Variants in SLC10A7 observed in about 807,000 individuals in gnomAD.
SLC10A7 encodes sodium/bile acid cotransporter 7.
In SLC10A7, 29 loss-of-function variants were observed where a neutral mutation model predicts 43.2. That is an observed-to-expected ratio of 0.67 (90% CI 0.50 to 0.92). SLC10A7 has a LOEUF of 0.92. Among genes scored for constraint, SLC10A7 ranks in the 40% least tolerant of loss-of-function variants. SLC10A7 has a pLI of 0.00. For synonymous variants in SLC10A7, 152 were observed against 144.8 expected, an observed-to-expected ratio of 1.05 and a Z score of -0.35; for missense variants, 295 against 403.2, an observed-to-expected ratio of 0.73 and a Z score of 2.30.
chr4:146,282,386 A>G lies in SLC10A7; in HGVS notation c.847+806T>C, dbSNP rs183401967. 5.9e-5 allele frequency among the ~76,000 whole-genome samples: 9 copies of G among 152,286 alleles called. No individual in the cohort carries two copies. The East Asian group carries it at 1.7e-3, about 29-fold the overall frequency. On this transcript the variant is annotated intron_variant, in intron 10 of 11. Coordinates refer to ENST00000335472, the MANE Select transcript of SLC10A7 (RefSeq NM_001029998.6). ...ATTTCCTTAACATAAGCAGACTAAGAACATTGTAATGATTCTTCATTCTCT... is the reference window on the plus strand; with the variant it reads ...ATTTCCTTAACATAAGCAGACTAAGGACATTGTAATGATTCTTCATTCTCT...
At chr4:146,279,311 C>A (rs17021345) in intron 10 of SLC10A7, among the ~76,000 whole-genome samples, 1 of 151,946 alleles carries the variant, frequency 6.6e-6, no homozygotes, top group African/African-American at 2.4e-5. Context: ...ATATTGGAAC[C>A]CTAGATAAGC....
intron 5 of SLC10A7, among the ~76,000 whole-genome samples, chr4:146,416,581 C>G (rs1422760673): frequency 6.6e-6 from 1 of 152,092 alleles, no homozygotes; most frequent in Non-Finnish European, 1.5e-5. Flanking sequence ...AAAAATTTCA[C>G]AATAATTACT....
At chr4:146,296,389 TTAACC>T (rs1483112516) in intron 7 of SLC10A7, among the ~76,000 whole-genome samples, 3 of 152,230 alleles carry the variant, frequency 2.0e-5, no homozygotes, top group Non-Finnish European at 4.4e-5. Flanking sequence ...TTTGATTGAG[TTAACC>T]TAATAATCTC....
chr4:146,303,499 T>C (rs1459834833), intron 7 of SLC10A7, among the ~76,000 whole-genome samples: 1 of 151,244 alleles, frequency 6.6e-6, no homozygotes, highest in African/African-American at 2.4e-5. Flanking sequence ...TGCACCAACC[T>C]CCTGAGTAAC....
Position 146,295,288 on chromosome 4 carries a change from C to G in SLC10A7, c.556-1193G>C, listed in dbSNP as rs1193607443. Among the ~76,000 whole-genome samples, 6 of 152,092 alleles carry G rather than the reference C, an allele frequency of 3.9e-5. No individual in the cohort carries two copies. The East Asian group carries it at 1.2e-3, about 29-fold the overall frequency. ...GGCCAGCTGGTACCAGGTACAGGTA[C>G]AAAATCCTGAAGGTTAGGTGGGGTG... is the stretch of plus-strand genomic sequence containing the variant. On this transcript the variant is annotated intron_variant, in intron 7 of 11. Coordinates refer to ENST00000335472, the MANE Select transcript of SLC10A7 (RefSeq NM_001029998.6).
chr4:146,357,927 C>T (rs1188583069), intron 5 of SLC10A7, among the ~76,000 whole-genome samples: 1 of 151,868 alleles, frequency 6.6e-6, no homozygotes, highest in Admixed American at 6.6e-5. Context: ...CTTGAGTCAT[C>T]CTGACAGAAC....
chr4:146,400,581 G>C (rs1453446560), intron 5 of SLC10A7, among the ~76,000 whole-genome samples: 1 of 152,004 alleles, frequency 6.6e-6, no homozygotes, highest in Admixed American at 6.6e-5. Context: ...GAGGCACTGT[G>C]GTAGTAATTA....
intron 3 of SLC10A7, among the ~76,000 whole-genome samples, chr4:146,505,119 C>T (rs1364658067): frequency 6.6e-6 from 1 of 152,066 alleles, no homozygotes; most frequent in Non-Finnish European, 1.5e-5. Context: ...TTAAAGGTTA[C>T]AGTTGGCCAT....
chr4:146,437,211 A>G (rs2149881178), intron 5 of SLC10A7, among the ~76,000 whole-genome samples: 1 of 152,228 alleles, frequency 6.6e-6, no homozygotes. Context: ...TTTTTAAAAC[A>G]GAAGTAGTCT....
At chr4:146,452,488 C>T (rs1466446839) in intron 4 of SLC10A7, among the ~76,000 whole-genome samples, 2 of 152,062 alleles carry the variant, frequency 1.3e-5, no homozygotes. Context: ...ATCTGTAAGG[C>T]ACTTTCTAAA....
At chr4:146,302,528 G>A (rs1731231206) in intron 7 of SLC10A7, among the ~76,000 whole-genome samples, 1 of 152,122 alleles carries the variant, frequency 6.6e-6, no homozygotes, top group Admixed American at 6.6e-5. Flanking sequence ...ATCAAACAAG[G>A]TGTTGCAATG....
chr4:146,479,418 A>G (rs1734276723), intron 4 of SLC10A7, among the ~76,000 whole-genome samples: 1 of 152,214 alleles, frequency 6.6e-6, no homozygotes, highest in Non-Finnish European at 1.5e-5. Context: ...TTCAGAAGAT[A>G]AATATAAAAA....
chr4:146,264,268 A>G (rs1297643693), intron 10 of SLC10A7, among the ~76,000 whole-genome samples: 1 of 152,220 alleles, frequency 6.6e-6, no homozygotes, highest in African/African-American at 2.4e-5. Context: ...TCAAGCTTCA[A>G]TAATAACTAC....
At chr4:146,492,096 T>A (rs915427624) in intron 4 of SLC10A7, among the ~76,000 whole-genome samples, 35 of 151,978 alleles carry the variant, frequency 2.3e-4, no homozygotes, top group African/African-American at 7.7e-4. Context: ...GGCGGGCGCC[T>A]GTAGTCCCAG....
At chr4:146,424,397 A>G (rs1482098076) in intron 5 of SLC10A7, among the ~76,000 whole-genome samples, 1 of 152,174 alleles carries the variant, frequency 6.6e-6, no homozygotes, top group Non-Finnish European at 1.5e-5. Context: ...ACGGTGGCTC[A>G]CGCCTGTAAT....
rs369210606 is a variant in SLC10A7, at chr4:146,502,540, C to T, written c.396+1309G>A. ...CCACTCCTAGGTATTTCCAAGGAAACGGGGGTATATTATATATAAACTTAA... is the reference window on the plus strand; with the variant it reads ...CCACTCCTAGGTATTTCCAAGGAAATGGGGGTATATTATATATAAACTTAA... On this transcript the variant is annotated intron_variant, in intron 4 of 11. Coordinates refer to ENST00000335472, the MANE Select transcript of SLC10A7 (RefSeq NM_001029998.6). Among the ~76,000 whole-genome samples, 17 of 150,122 alleles carry T rather than the reference C, an allele frequency of 1.1e-4. No homozygotes were observed. In the South Asian group the frequency reaches 1.5e-3, roughly 13 times the overall value.
intron 5 of SLC10A7, among the ~76,000 whole-genome samples, chr4:146,385,210 T>G (rs1430958120): frequency 6.6e-6 from 1 of 152,170 alleles, no homozygotes; most frequent in Non-Finnish European, 1.5e-5. Context: ...ATATTGGTAG[T>G]AGAAGGAGAT....
chr4:146,370,672 G>A (rs1238176719), intron 5 of SLC10A7, among the ~76,000 whole-genome samples: 1 of 152,066 alleles, frequency 6.6e-6, no homozygotes, highest in Non-Finnish European at 1.5e-5. Flanking sequence ...CCCCCACAGC[G>A]CTCAGAGGTA....
chr4:146,416,066 G>A lies in SLC10A7; in HGVS notation c.435+26717C>T, dbSNP rs559905830. Among the ~76,000 whole-genome samples, 19 of 152,270 alleles carry A rather than the reference G, an allele frequency of 1.2e-4. No homozygotes were observed. In the South Asian group the frequency reaches 2.7e-3, roughly 22 times the overall value. On this transcript the variant is annotated intron_variant, in intron 5 of 11. Transcript: ENST00000335472. ...CTATACCTATTCTCAGGTATGTTCA[G>A]AACCTAGTCTAGTGTCTGGCATGGA...
Sources: allele counts gnomAD v4.1 joint callset (sites outside exome capture counted in the v4.1 genomes callset), GRCh38; gene constraint gnomAD v4.1.1; transcripts MANE v1.5; gene names NCBI Gene and HGNC (gene_info 2026-07-23, HGNC 2026-07-21).